The following GRIN3A variants were observed in gnomAD, a reference collection of about 807,000 sequenced individuals.
The protein encoded by GRIN3A is glutamate receptor ionotropic, NMDA 3A.
In GRIN3A, 47 loss-of-function variants were observed where a neutral mutation model predicts 92.4. That is an observed-to-expected ratio of 0.51 (90% CI 0.40 to 0.65). The LOEUF is 0.65. GRIN3A is among the 30% of genes least tolerant of loss of function. The pLI, the probability that GRIN3A is intolerant of heterozygous loss-of-function variation, is 0.00. For missense variants in GRIN3A, 1,324 were observed against 1,393.1 expected (o/e 0.95, Z 0.79); for synonymous variants, 527 against 540.6 (o/e 0.97, Z 0.35).
intron 4 of GRIN3A, among the ~76,000 whole-genome samples, chr9:101,624,444 A>T (rs1179283102): frequency 1.5e-5 from 2 of 133,204 alleles, no homozygotes; most frequent in African/African-American, 5.7e-5. Flanking sequence ...CTCATTGTTC[A>T]GTTCCCACCT....
At chr9:101,646,494 T>A (rs1177463504) in intron 3 of GRIN3A, among the ~76,000 whole-genome samples, 1 of 152,000 alleles carries the variant, frequency 6.6e-6, no homozygotes, top group Non-Finnish European at 1.5e-5. Flanking sequence ...TTGCTTTAGC[T>A]ATTTGGAGCC....
chr9:101,622,936 G>A (rs1461759164), intron 5 of GRIN3A, among the ~76,000 whole-genome samples: 6 of 151,690 alleles, frequency 4.0e-5, no homozygotes, highest in Non-Finnish European at 2.9e-5. Flanking sequence ...AGGATCACTT[G>A]AGGCCAGGAG....
intron 6 of GRIN3A, among the ~76,000 whole-genome samples, chr9:101,597,924 T>C (rs757653988): frequency 6.6e-5 from 10 of 152,170 alleles, no homozygotes; most frequent in African/African-American, 1.4e-4. Context: ...ACATATACTA[T>C]AGAACATAGT....
intron 3 of GRIN3A, among the ~76,000 whole-genome samples, chr9:101,637,183 C>T (rs10819958): frequency 0.19 from 28,496 of 152,024 alleles, 3,099 homozygotes; most frequent in Non-Finnish European, 0.25. Context: ...AGCTCCGCCT[C>T]CTGGGTTCGC....
intron 3 of GRIN3A, among the ~76,000 whole-genome samples, chr9:101,631,909 G>T (rs1828720655): frequency 6.6e-6 from 1 of 152,170 alleles, no homozygotes; most frequent in East Asian, 1.9e-4. Context: ...TCCACTCAGA[G>T]AAATTTTAGA....
intron 3 of GRIN3A, among the ~76,000 whole-genome samples, chr9:101,632,683 T>C (rs1332957687): frequency 6.6e-6 from 1 of 152,156 alleles, no homozygotes; most frequent in Non-Finnish European, 1.5e-5. Context: ...AAAATAACCA[T>C]GGGCTACTCA....
chr9:101,733,177 T>C (rs779769801), intron 1 of GRIN3A, among the ~76,000 whole-genome samples: 2 of 152,164 alleles, frequency 1.3e-5, no homozygotes, highest in Non-Finnish European at 2.9e-5. Flanking sequence ...TAAGATATAA[T>C]GGTCAGACAA....
intron 1 of GRIN3A, among the ~76,000 whole-genome samples, chr9:101,690,447 A>G (rs1829599547): frequency 1.3e-5 from 2 of 152,162 alleles, no homozygotes; most frequent in Admixed American, 6.5e-5. Context: ...AGAATAGGGC[A>G]GGAAATATGG....
chr9:101,594,318 A>T, intron 6 of GRIN3A: 1 of 1,458,856 alleles, frequency 6.9e-7, no homozygotes, highest in Non-Finnish European at 9.2e-7. Flanking sequence ...CTTCCAGATA[A>T]GTCAGAGAGA....
intron 6 of GRIN3A, among the ~76,000 whole-genome samples, chr9:101,612,040 A>T (rs1035435590): frequency 3.9e-5 from 6 of 152,180 alleles, no homozygotes; most frequent in African/African-American, 1.4e-4. Flanking sequence ...GGGCTATGCC[A>T]ATGTTTCAGA....
intron 2 of GRIN3A, among the ~76,000 whole-genome samples, chr9:101,683,257 T>A (rs1456379423): frequency 6.6e-6 from 1 of 152,188 alleles, no homozygotes; most frequent in Non-Finnish European, 1.5e-5. Context: ...AACAGTTCTG[T>A]CAGCCCAAAC....
At chr9:101,599,911 C>T (rs1828189121) in intron 6 of GRIN3A, among the ~76,000 whole-genome samples, 2 of 152,172 alleles carry the variant, frequency 1.3e-5, no homozygotes, top group South Asian at 2.1e-4. Flanking sequence ...AGCGTACTGA[C>T]GTTAGCCACA....
chr9:101,668,598 C>A (rs1829272837), intron 3 of GRIN3A, among the ~76,000 whole-genome samples: 1 of 152,042 alleles, frequency 6.6e-6, no homozygotes, highest in Non-Finnish European at 1.5e-5. Flanking sequence ...TTTATTTATG[C>A]TAATGATTTT....
intron 1 of GRIN3A, among the ~76,000 whole-genome samples, chr9:101,708,412 A>T (rs1329897693): frequency 6.6e-6 from 1 of 152,166 alleles, no homozygotes; most frequent in Admixed American, 6.5e-5. Context: ...CAATTACAGC[A>T]TATTTTCTTC....
At chr9:101,723,717 T>G (rs1209134571) in intron 1 of GRIN3A, among the ~76,000 whole-genome samples, 2 of 151,494 alleles carry the variant, frequency 1.3e-5, no homozygotes, top group Non-Finnish European at 2.9e-5. Context: ...AGATACAGAG[T>G]GTGGACACAA....
intron 4 of GRIN3A, among the ~76,000 whole-genome samples, chr9:101,626,324 G>A (rs1828634568): frequency 6.6e-6 from 1 of 152,206 alleles, no homozygotes; most frequent in South Asian, 2.1e-4. Context: ...AGGGCCCTGA[G>A]AGAGCAGAAT....
chr9:101,590,901 A>G (rs1828014852), intron 6 of GRIN3A, among the ~76,000 whole-genome samples: 1 of 152,192 alleles, frequency 6.6e-6, no homozygotes, highest in South Asian at 2.1e-4. Flanking sequence ...GTAATTAACA[A>G]AAATGTCTGG....
chr9:101,706,564 A>G (rs1829818229), intron 1 of GRIN3A, among the ~76,000 whole-genome samples: 1 of 152,252 alleles, frequency 6.6e-6, no homozygotes, highest in Non-Finnish European at 1.5e-5. Context: ...GGTGCTGGAA[A>G]GACTGACATT....
intron 4 of GRIN3A, among the ~76,000 whole-genome samples, chr9:101,623,807 C>A (rs183036946): frequency 8.5e-5 from 13 of 152,316 alleles, no homozygotes; most frequent in Non-Finnish European, 1.5e-4. Flanking sequence ...GTTCTCTATA[C>A]CTTTTATCAC....
Sources: gnomAD v4.1 joint callset for allele counts (sites outside exome capture counted in the v4.1 genomes callset) on GRCh38, gnomAD v4.1.1 for gene constraint, MANE v1.5 for transcripts, NCBI Gene and HGNC (gene_info 2026-07-23, HGNC 2026-07-21) for gene names.